The following FAM13C variants were observed in gnomAD, a reference collection of about 807,000 sequenced individuals.
FAM13C encodes protein FAM13C.
FAM13C carries 37 observed loss-of-function variants against 73.2 expected under a neutral mutation model. That is an observed-to-expected ratio of 0.51 (90% CI 0.39 to 0.67). The LOEUF (loss-of-function observed/expected upper bound fraction) is 0.67. Ranked by LOEUF, FAM13C falls within the 30% of genes least tolerant of loss-of-function variation. FAM13C has a pLI of 0.00. For synonymous variants in FAM13C, 246 were observed against 260.9 expected (o/e 0.94, Z 0.55); for missense variants, 589 against 715.6 (o/e 0.82, Z 2.02).
chr10:59,349,037 A>C (rs1854684451), intron 3 of FAM13C, among the ~76,000 whole-genome samples: 1 of 152,224 alleles, frequency 6.6e-6, no homozygotes, highest in Non-Finnish European at 1.5e-5. Flanking sequence ...TTCTTTAAAA[A>C]TCGGCTTACT....
chr10:59,295,547 C>T lies in FAM13C; in HGVS notation c.507+7254G>A, dbSNP rs1056722196. Among the ~76,000 whole-genome samples the T allele has an allele frequency of 7.2e-5, 11 of 152,088 alleles. No homozygotes were observed. In the East Asian group the frequency reaches 1.4e-3, roughly 19 times the overall value. On this transcript the variant is annotated intron_variant, in intron 5 of 13. Coordinates refer to ENST00000618804, the MANE Select transcript of FAM13C (RefSeq NM_198215.4). ...AAGAAGCTGGGACGGGGGCTTTTCT[C>T]CAGAACCTCCAGATAAGAAACTACC...
rs112136094 is a variant in FAM13C at position 59,292,010 on chromosome 10, T to G, written c.508-8563A>C. Among the ~76,000 whole-genome samples, 1,360 of 152,124 alleles carry G rather than the reference T, an allele frequency of 8.9e-3. 8 individuals are homozygous for G. Among genetic ancestry groups the G allele is most frequent in the Non-Finnish European group, 0.014 (978 of 67,980 alleles). On this transcript the variant is annotated intron_variant, in intron 5 of 13. Coordinates refer to ENST00000618804, the MANE Select transcript of FAM13C (RefSeq NM_198215.4). Reference sequence around the variant, plus strand: ...TCACCATATTAGCCAGGATGGTCTCTATCTCCTGACCTCGTGGTCCGCCCA... The same window carrying G: ...TCACCATATTAGCCAGGATGGTCTCGATCTCCTGACCTCGTGGTCCGCCCA...
chr10:59,350,469 T>C (rs1854892577), intron 3 of FAM13C, among the ~76,000 whole-genome samples: 1 of 152,214 alleles, frequency 6.6e-6, no homozygotes, highest in South Asian at 2.1e-4. Flanking sequence ...CAGTCAGACC[T>C]GGGGGCAGCC....
At chr10:59,312,138 A>G (rs1348787253) in intron 4 of FAM13C, among the ~76,000 whole-genome samples, 1 of 152,144 alleles carries the variant, frequency 6.6e-6, no homozygotes, top group Non-Finnish European at 1.5e-5. Context: ...CGGAATTTAA[A>G]CGACAGGTGA....
chr10:59,306,546 C>CAAATCAAG (rs762398030), intron 4 of FAM13C, among the ~76,000 whole-genome samples: 44 of 152,220 alleles, frequency 2.9e-4, no homozygotes, highest in Admixed American at 4.6e-4. Flanking sequence ...GCCACTTCAG[C>CAAATCAAG]AAATCAAGCA....
rs188894381 is a variant in FAM13C at position 59,305,142 on chromosome 10, T to C, written c.444-2278A>G. 3.6e-3 allele frequency among the ~76,000 whole-genome samples: 545 copies of C among 152,300 alleles called. 5 individuals are homozygous for C. Among genetic ancestry groups the C allele is most frequent in the African/African-American group, 0.012 (514 of 41,566 alleles). On this transcript the variant is annotated intron_variant, in intron 4 of 13. Coordinates refer to ENST00000618804, the MANE Select transcript of FAM13C (RefSeq NM_198215.4). ...GCAACACTAAATGGACTAAGACACA[T>C]GGCGAAGCTGGGTTTTGCCACTACA...
intron 13 of FAM13C, among the ~76,000 whole-genome samples, chr10:59,249,935 G>A (rs1446740870): frequency 1.3e-5 from 2 of 152,146 alleles, no homozygotes; most frequent in Non-Finnish European, 2.9e-5. Flanking sequence ...GATCCAGTAG[G>A]CAGGACTAGT....
At chr10:59,320,556 T>C (rs571851522) in intron 4 of FAM13C, among the ~76,000 whole-genome samples, 1 of 152,106 alleles carries the variant, frequency 6.6e-6, no homozygotes, top group Non-Finnish European at 1.5e-5. Flanking sequence ...TTTAAAAGGG[T>C]TTAATTGAGC....
intron 6 of FAM13C, among the ~76,000 whole-genome samples, chr10:59,278,111 C>T (rs1473962560): frequency 6.6e-6 from 1 of 152,158 alleles, no homozygotes; most frequent in Admixed American, 6.5e-5. Flanking sequence ...GGAAACTCCC[C>T]TTTTGAAAAC....
intron 3 of FAM13C, among the ~76,000 whole-genome samples, chr10:59,340,426 C>T (rs923064638): frequency 2.0e-5 from 3 of 152,134 alleles, no homozygotes; most frequent in Non-Finnish European, 4.4e-5. Flanking sequence ...GCTCCTCACT[C>T]ACCCCCAAAT....
intron 4 of FAM13C, among the ~76,000 whole-genome samples, chr10:59,304,839 GA>G (rs1276785326): frequency 5.1e-5 from 6 of 116,986 alleles, no homozygotes; most frequent in Admixed American, 8.8e-5. Flanking sequence ...GGGGGCGGGG[GA>G]GGGGGAGGGG....
chr10:59,254,966 C>A (rs1251383023), intron 10 of FAM13C, among the ~76,000 whole-genome samples: 1 of 152,034 alleles, frequency 6.6e-6, no homozygotes, highest in East Asian at 1.9e-4. Flanking sequence ...AAGGATACGT[C>A]CAAGTTTAGC....
chr10:59,282,956 G>A (rs1845105200), intron 6 of FAM13C: 1 of 193,288 alleles, frequency 5.2e-6, no homozygotes, highest in South Asian at 1.5e-4. Context: ...AAAGGAAGTA[G>A]CAGTATGGAA....
chr10:59,274,835 C>T (rs1327943104), intron 6 of FAM13C, among the ~76,000 whole-genome samples: 1 of 152,218 alleles, frequency 6.6e-6, no homozygotes, highest in African/African-American at 2.4e-5. Context: ...CAGATAACAA[C>T]AAGGCTGAAC....
At chr10:59,268,497 G>T in intron 8 of FAM13C, 56 bp downstream of exon 8, 1 of 1,598,512 alleles carries the variant, frequency 6.3e-7, no homozygotes, top group East Asian at 2.2e-5. Context: ...AGAGGCTGAG[G>T]AGAATCCAGA....
chr10:59,351,158 C>T (rs776242543), intron 3 of FAM13C, among the ~76,000 whole-genome samples: 3 of 151,770 alleles, frequency 2.0e-5, no homozygotes, highest in Non-Finnish European at 2.9e-5. Context: ...GGTGAAACCC[C>T]GTCTCTACAA....
chr10:59,358,206 C>T (rs982273027), intron 1 of FAM13C, among the ~76,000 whole-genome samples: 2 of 152,036 alleles, frequency 1.3e-5, no homozygotes, highest in South Asian at 2.1e-4. Flanking sequence ...GGTAAAACCC[C>T]GTCTCTACTA....
intron 12 of FAM13C, among the ~76,000 whole-genome samples, chr10:59,252,176 C>T (rs1841446957): frequency 1.3e-5 from 2 of 152,172 alleles, no homozygotes; most frequent in African/African-American, 2.4e-5. Context: ...CTACTCACTT[C>T]ATTCTACCAA....
chr10:59,260,366 C>T (rs1554808987), intron 10 of FAM13C, among the ~76,000 whole-genome samples: 1 of 152,144 alleles, frequency 6.6e-6, no homozygotes, highest in Non-Finnish European at 1.5e-5. Flanking sequence ...GGGTTCTAAT[C>T]TGTCTTTCTG....
Sources: gnomAD v4.1 joint callset for allele counts (sites outside exome capture counted in the v4.1 genomes callset) on GRCh38, gnomAD v4.1.1 for gene constraint, MANE v1.5 for transcripts, NCBI Gene and HGNC (gene_info 2026-07-23, HGNC 2026-07-21) for gene names.